THSD7A: variants seen among roughly 807,000 people sequenced by gnomAD.
THSD7A encodes thrombospondin type 1 domain containing 7A.
THSD7A carries 96 observed loss-of-function variants against 231.3 expected under a neutral mutation model. The ratio of observed to expected loss-of-function variants is 0.41; its 90% CI spans 0.35 to 0.49. The LOEUF is 0.49. Ranked by LOEUF, THSD7A falls within the 20% of genes least tolerant of loss-of-function variation. The pLI, the probability that THSD7A is intolerant of heterozygous loss-of-function variation, is 0.05. For missense variants in THSD7A, 2,290 were observed against 2,070.2 expected, an observed-to-expected ratio of 1.11 and a Z score of -2.06; for synonymous variants, 940 against 743.3, an observed-to-expected ratio of 1.26 and a Z score of -4.30.
chr7:11,535,651 A>C (rs945859359), intron 6 of THSD7A, among the ~76,000 whole-genome samples: 2 of 152,056 alleles, frequency 1.3e-5, no homozygotes, highest in African/African-American at 4.8e-5. Context: ...TTGTTGACTT[A>C]TTGCTTAAAT....
At chr7:11,732,482 T>C (rs1374521892) in intron 1 of THSD7A, among the ~76,000 whole-genome samples, 1 of 151,872 alleles carries the variant, frequency 6.6e-6, no homozygotes, top group East Asian at 1.9e-4. Flanking sequence ...TCCAAGCTTG[T>C]ATATCAGTGT....
intron 2 of THSD7A, among the ~76,000 whole-genome samples, chr7:11,624,255 C>T (rs1002230084): frequency 1.3e-5 from 2 of 152,030 alleles, no homozygotes; most frequent in African/African-American, 4.8e-5. Context: ...TTGTGGCTGT[C>T]CAAACTCTAG....
chr7:11,800,730 G>A (rs1022169773), intron 1 of THSD7A, among the ~76,000 whole-genome samples: 7 of 152,150 alleles, frequency 4.6e-5, no homozygotes, highest in Non-Finnish European at 1.0e-4. Flanking sequence ...GCTGAGGGGA[G>A]AGGGAAATGG....
At position 11,507,586 on chromosome 7, in the gene THSD7A, C is replaced by G. The variant is rs189590408; in HGVS notation, c.1823-25604G>C. On this transcript the variant is annotated intron_variant, in intron 6 of 27. Transcript: ENST00000423059. ...TGCTCTACAAGTTCACTGACTCTTC[C>G]ATGAAATAATGTGTGTTTTTTTTTT... Among the ~76,000 whole-genome samples the G allele has an allele frequency of 3.3e-3, 440 of 134,278 alleles. 2 individuals are homozygous for G. Among genetic ancestry groups the G allele is most frequent in the African/African-American group, 0.013 (429 of 33,984 alleles). 88.1% of individuals were successfully genotyped at this position (134,278 alleles called of 152,430 possible).
At chr7:11,767,950 A>G (rs1260848609) in intron 1 of THSD7A, among the ~76,000 whole-genome samples, 1 of 152,206 alleles carries the variant, frequency 6.6e-6, no homozygotes, top group Non-Finnish European at 1.5e-5. Context: ...TACTTTAACA[A>G]TATGAATGAG....
intron 1 of THSD7A, among the ~76,000 whole-genome samples, chr7:11,685,645 G>C (rs1399086149): frequency 6.6e-6 from 1 of 151,912 alleles, no homozygotes; most frequent in Non-Finnish European, 1.5e-5. Context: ...AATCAACAGA[G>C]AGATGCAAAT....
intron 1 of THSD7A, among the ~76,000 whole-genome samples, chr7:11,666,658 C>A (rs1783145717): frequency 7.2e-6 from 1 of 139,362 alleles, no homozygotes; most frequent in Non-Finnish European, 1.5e-5. Context: ...CAGTATACTG[C>A]TTCAGTGATG....
chr7:11,615,712 G>C (rs1362281477), intron 2 of THSD7A, among the ~76,000 whole-genome samples: 2 of 151,944 alleles, frequency 1.3e-5, no homozygotes, highest in Non-Finnish European at 2.9e-5. Context: ...TCTTTTAATT[G>C]CCAATTTCCA....
intron 1 of THSD7A, among the ~76,000 whole-genome samples, chr7:11,776,016 G>C (rs1015671185): frequency 2.0e-5 from 3 of 152,116 alleles, no homozygotes; most frequent in Admixed American, 1.3e-4. Flanking sequence ...AATGAGATTT[G>C]ATATTCTTTT....
intron 1 of THSD7A, among the ~76,000 whole-genome samples, chr7:11,749,659 T>G (rs1356954259): frequency 1.3e-5 from 2 of 151,948 alleles, no homozygotes. Flanking sequence ...AGAAGATAGG[T>G]GGTCGTGATA....
rs373625882 is a variant in THSD7A at position 11,407,028 on chromosome 7, G to A, written c.3944C>T (p.Thr1315Ile). 7 of 1,613,780 alleles carry A rather than the reference G, an allele frequency of 4.3e-6. No individual in the cohort carries two copies. In the South Asian group the frequency reaches 7.7e-5, roughly 18 times the overall value. ...TCTTCCATCACCTTGAAAGGGCTGG[G>A]TCACTGTTCGTCTTCGGATCATTTT... ...TGKMIRRRTV[T>I]QPFQGDGRPC... Residue 1315 changes from threonine (T) to isoleucine (I), a missense_variant, in exon 21 of 28, where the codon ACC becomes ATC. Transcript: ENST00000423059.
At chr7:11,479,590 C>T (rs1275677584) in intron 7 of THSD7A, among the ~76,000 whole-genome samples, 1 of 152,128 alleles carries the variant, frequency 6.6e-6, no homozygotes, top group Non-Finnish European at 1.5e-5. Context: ...TTAAAACTTC[C>T]TGCAGATGCT....
chr7:11,786,456 C>G (rs966209238), intron 1 of THSD7A, among the ~76,000 whole-genome samples: 7 of 152,014 alleles, frequency 4.6e-5, no homozygotes, highest in Non-Finnish European at 7.4e-5. Context: ...CCTGGTGGAG[C>G]AGCACTGTCT....
chr7:11,574,436 C>CTTTT (rs535754264), intron 4 of THSD7A, among the ~76,000 whole-genome samples: 6 of 138,254 alleles, frequency 4.3e-5, no homozygotes, highest in Non-Finnish European at 6.2e-5. Flanking sequence ...GAAACAAAAA[C>CTTTT]TTTTTTTTTT....
chr7:11,771,178 T>C (rs1278084067), intron 1 of THSD7A, among the ~76,000 whole-genome samples: 1 of 151,144 alleles, frequency 6.6e-6, no homozygotes, highest in East Asian at 2.0e-4. Context: ...ATCCCATAGA[T>C]ATGTTTATAA....
Position 11,379,292 on chromosome 7 carries a change from CAAG to C in THSD7A, c.4591-15_4591-13del, listed in dbSNP as rs1213982894. The C allele has an allele frequency of 1.1e-5, 17 of 1,613,026 alleles. No individual in the cohort carries two copies. The highest frequency in any genetic ancestry group is 2.2e-5 in the South Asian group (2 of 91,052). On this transcript the variant is annotated splice_polypyrimidine_tract_variant and intron_variant, in intron 25 of 27. Transcript: ENST00000423059. ...TGGCATGTTTTTGTCTGCAGGAGAA[CAAG>C]AAGATTTATACTAGCCATGCAAGGA...
chr7:11,482,331 C>A (rs2128304959), intron 6 of THSD7A, among the ~76,000 whole-genome samples: 1 of 152,230 alleles, frequency 6.6e-6, no homozygotes, highest in East Asian at 1.9e-4. Flanking sequence ...AAAGCATGTC[C>A]CCTCTTTCTT....
intron 2 of THSD7A, among the ~76,000 whole-genome samples, chr7:11,629,430 C>T (rs764740451): frequency 2.6e-5 from 4 of 152,102 alleles, no homozygotes; most frequent in African/African-American, 7.2e-5. Context: ...GAGTATCTGG[C>T]GGGCAACTCG....
chr7:11,645,464 A>G (rs547663863), intron 1 of THSD7A, among the ~76,000 whole-genome samples: 2 of 152,058 alleles, frequency 1.3e-5, no homozygotes, highest in East Asian at 1.9e-4. Context: ...ATAAGTACAC[A>G]TGTATTAAAA....
Sources: gnomAD v4.1 joint callset for allele counts (sites outside exome capture counted in the v4.1 genomes callset) on GRCh38, gnomAD v4.1.1 for gene constraint, MANE v1.5 for transcripts, NCBI Gene and HGNC (gene_info 2026-07-23, HGNC 2026-07-21) for gene names.